ADAMTS2: variants seen among roughly 807,000 people sequenced by gnomAD.
The protein encoded by ADAMTS2 is ADAM metallopeptidase with thrombospondin type 1 motif 2, also known as A disintegrin and metalloproteinase with thrombospondin motifs 2.
In ADAMTS2, 50 loss-of-function variants were observed where a neutral mutation model predicts 123.0. The observed-to-expected ratio is 0.41, with a 90% CI of 0.32 to 0.51. The LOEUF is 0.51. Ranked by LOEUF, ADAMTS2 falls within the 20% of genes least tolerant of loss-of-function variation. ADAMTS2 has a pLI of 0.35. For missense variants in ADAMTS2, 1,494 were observed against 1,705.2 expected (o/e 0.88, Z 2.18); for synonymous variants, 678 against 695.4 (o/e 0.98, Z 0.39).
chr5:179,135,363 CTA>C (rs1488279371), intron 13 of ADAMTS2, among the ~76,000 whole-genome samples: 1 of 152,190 alleles, frequency 6.6e-6, no homozygotes, highest in Non-Finnish European at 1.5e-5. Flanking sequence ...AGGGACAAGT[CTA>C]TGTTCATGTC....
At chr5:179,224,506 C>T (rs1168267045) in intron 3 of ADAMTS2, among the ~76,000 whole-genome samples, 2 of 152,226 alleles carry the variant, frequency 1.3e-5, no homozygotes, top group African/African-American at 4.8e-5. Flanking sequence ...TCCCAATTTT[C>T]CTTGGAGCAT....
chr5:179,294,530 G>A (rs1444326493), intron 2 of ADAMTS2, among the ~76,000 whole-genome samples: 7 of 152,190 alleles, frequency 4.6e-5, no homozygotes, highest in Non-Finnish European at 8.8e-5. Context: ...ACCCACCCAC[G>A]TGGCCCAAGG....
chr5:179,280,883 A>G (rs149703861), intron 2 of ADAMTS2, among the ~76,000 whole-genome samples: 1,544 of 152,168 alleles, frequency 0.01, 28 homozygotes, highest in African/African-American at 0.035. Context: ...TTTGAGACAG[A>G]GTCTCGCTCT....
rs968356949 is a variant in ADAMTS2 at position 179,170,338 on chromosome 5, G to A, written c.975+10734C>T. 6.6e-6 allele frequency among the ~76,000 whole-genome samples: 1 copy of A among 152,076 alleles called. No homozygotes were observed. Among genetic ancestry groups the A allele is most frequent in the African/African-American group, 2.4e-5 (1 of 41,398 alleles). On this transcript the variant is annotated intron_variant, in intron 5 of 21. Coordinates refer to ENST00000251582, the MANE Select transcript of ADAMTS2 (RefSeq NM_014244.5). This position sits in a 1 kb window ranked among gnomAD's most constrained non-coding sequence, Gnocchi z 4.3. ...ATGAATAACAGGAACCGAGTATCTG[G>A]GCCACTTTCTGCCCAAGTCTGGGTC...
Position 179,210,223 on chromosome 5 carries a change from G to A in ADAMTS2, c.689-2508C>T, listed in dbSNP as rs550726631. 7.2e-5 allele frequency among the ~76,000 whole-genome samples: 11 copies of A among 152,314 alleles called. No individual in the cohort carries two copies. In the South Asian group the frequency reaches 2.3e-3, roughly 32 times the overall value. ...TGTCAATGTCATTCTGGCACCAGAA[G>A]GTATCACAGTATGTCCTCCTGGCCC... On this transcript the variant is annotated intron_variant, in intron 3 of 21. Transcript: ENST00000251582.
At chr5:179,335,082 A>G (rs1314039627) in intron 2 of ADAMTS2, among the ~76,000 whole-genome samples, 1 of 152,238 alleles carries the variant, frequency 6.6e-6, no homozygotes, top group Non-Finnish European at 1.5e-5. Context: ...ATTTGAAAGA[A>G]TAAACATATG....
chr5:179,156,299 T>TA (rs1763468739), intron 6 of ADAMTS2, among the ~76,000 whole-genome samples: 1 of 152,178 alleles, frequency 6.6e-6, no homozygotes, highest in Admixed American at 6.5e-5. Context: ...TCTCTCATGT[T>TA]AATCTTTTTG....
chr5:179,254,721 G>A (rs1766006179), intron 3 of ADAMTS2, among the ~76,000 whole-genome samples: 1 of 152,196 alleles, frequency 6.6e-6, no homozygotes, highest in South Asian at 2.1e-4. Flanking sequence ...CCTATCAACT[G>A]TTGATGGCGT....
At chr5:179,235,921 C>G (rs1765513275) in intron 3 of ADAMTS2, among the ~76,000 whole-genome samples, 1 of 152,240 alleles carries the variant, frequency 6.6e-6, no homozygotes, top group Non-Finnish European at 1.5e-5. Flanking sequence ...GCAGCCTCAG[C>G]CTCCTGTGAC....
chr5:179,187,933 T>A (rs1764213510), intron 4 of ADAMTS2, among the ~76,000 whole-genome samples: 2 of 152,164 alleles, frequency 1.3e-5, no homozygotes, highest in Non-Finnish European at 1.5e-5. Flanking sequence ...ATGTAAAGTT[T>A]GCCTCACTGG....
intron 2 of ADAMTS2, among the ~76,000 whole-genome samples, chr5:179,328,596 A>C (rs1757376791): frequency 6.6e-6 from 1 of 152,132 alleles, no homozygotes; most frequent in African/African-American, 2.4e-5. Flanking sequence ...GTCATTTTTA[A>C]CTCTGTTTTC....
chr5:179,277,105 T>C (rs4701089), intron 2 of ADAMTS2, among the ~76,000 whole-genome samples: 69,329 of 151,836 alleles, frequency 0.46, 16,306 homozygotes, highest in Admixed American at 0.52. Flanking sequence ...AGGCGACTCC[T>C]CGGAGGGCAC....
rs1210608138 is a variant in ADAMTS2, at chr5:179,303,062, G to T, written c.535-29998C>A. ...GACTGCACAGAGCTTCCTCTGCTGT[G>T]GGGAGGAGATTGGATTTTCTCCTCT... On this transcript the variant is annotated intron_variant, in intron 2 of 21. Coordinates refer to ENST00000251582, the MANE Select transcript of ADAMTS2 (RefSeq NM_014244.5). This position sits in a 1 kb window ranked among gnomAD's most constrained non-coding sequence, Gnocchi z 4.7. Among the ~76,000 whole-genome samples, 1 of 152,068 alleles carries T rather than the reference G, an allele frequency of 6.6e-6. No homozygotes were observed. The highest frequency in any genetic ancestry group is 6.5e-5 in the Admixed American group (1 of 15,286).
At position 179,312,553 on chromosome 5, in the gene ADAMTS2, TA is replaced by T. The variant is rs1756862540; in HGVS notation, c.534+31213del. ...TGCTTTTAAGCCGCTCCGTTTATGG[TA>T]TTTGGCTATAGCAGCCTGCATGGAC... On this transcript the variant is annotated intron_variant, in intron 2 of 21. Transcript: ENST00000251582. This position sits in a 1 kb window ranked among gnomAD's most constrained non-coding sequence, Gnocchi z 4.2. Among the ~76,000 whole-genome samples, 1 of 152,206 alleles carries T rather than the reference TA, an allele frequency of 6.6e-6. No individual in the cohort carries two copies. Among genetic ancestry groups the T allele is most frequent in the Admixed American group, 6.5e-5 (1 of 15,278 alleles).
intron 10 of ADAMTS2, among the ~76,000 whole-genome samples, chr5:179,142,001 C>T (rs1763179758): frequency 6.6e-6 from 1 of 152,056 alleles, no homozygotes; most frequent in Non-Finnish European, 1.5e-5. Context: ...AGTCTGTAGG[C>T]CAGGAATGTC....
intron 2 of ADAMTS2, among the ~76,000 whole-genome samples, chr5:179,288,079 C>T (rs1756077913): frequency 6.6e-6 from 1 of 152,220 alleles, no homozygotes; most frequent in Non-Finnish European, 1.5e-5. Context: ...GTTTTCCCAG[C>T]CAGAGGACCC....
intron 2 of ADAMTS2, among the ~76,000 whole-genome samples, chr5:179,325,429 T>C (rs1225387569): frequency 6.6e-6 from 1 of 152,120 alleles, no homozygotes; most frequent in Non-Finnish European, 1.5e-5. Context: ...TGGGGACCCA[T>C]AGCTCCTCCT....
intron 2 of ADAMTS2, among the ~76,000 whole-genome samples, chr5:179,294,940 T>C (rs1402277303): frequency 6.6e-6 from 1 of 152,232 alleles, no homozygotes; most frequent in African/African-American, 2.4e-5. Flanking sequence ...TGCAGACTCC[T>C]GGCATGGAGG....
chr5:179,122,875 C>CAGG (rs1762789782), intron 19 of ADAMTS2, 102 bp from the exon 20 acceptor site: 1 of 1,515,852 alleles, frequency 6.6e-7, no homozygotes, highest in East Asian at 2.5e-5. Context: ...CCCATGCGCT[C>CAGG]AGGAGGAGGT....
Sources: allele counts gnomAD v4.1 joint callset (sites outside exome capture counted in the v4.1 genomes callset), GRCh38; gene constraint gnomAD v4.1.1; non-coding constraint Gnocchi (gnomAD v3.1); transcripts MANE v1.5; gene names NCBI Gene and HGNC (gene_info 2026-07-23, HGNC 2026-07-21).